WDR43: variants seen among roughly 807,000 people sequenced by gnomAD.
WDR43 encodes WD repeat-containing protein 43.
WDR43 carries 13 observed loss-of-function variants against 91.4 expected under a neutral mutation model. That is an observed-to-expected ratio of 0.14 (90% CI 0.09 to 0.23). The LOEUF (loss-of-function observed/expected upper bound fraction) is 0.23, where lower values mean the gene tolerates loss of function less well. Among genes scored for constraint, WDR43 ranks in the 10% least tolerant of loss-of-function variants. The pLI is 1.00. For missense variants in WDR43, 780 were observed against 809.4 expected (o/e 0.96, Z 0.44); for synonymous variants, 331 against 287.9 (o/e 1.15, Z -1.51).
At chr2:28,940,271 C>A in intron 14 of WDR43, among the ~76,000 whole-genome samples, 1 of 151,394 alleles carries the variant, frequency 6.6e-6, no homozygotes, top group Non-Finnish European at 1.5e-5. Context: ...CTCTTGTTGC[C>A]TAGGCTGGAG....
At chr2:28,922,688 C>G (rs1322245166) in intron 6 of WDR43, among the ~76,000 whole-genome samples, 1 of 152,086 alleles carries the variant, frequency 6.6e-6, no homozygotes, top group Non-Finnish European at 1.5e-5. Context: ...AGGGCTCATT[C>G]TCCTTGACTG....
intron 1 of WDR43, among the ~76,000 whole-genome samples, chr2:28,899,604 A>T (rs1443163204): frequency 2.0e-5 from 3 of 152,238 alleles, no homozygotes; most frequent in Non-Finnish European, 4.4e-5. Context: ...CTGGAGAGTC[A>T]TTGAAGTTTT....
intron 11 of WDR43, 70 bp from the exon 12 acceptor site, chr2:28,935,451 C>CTTTT: frequency 9.6e-7 from 1 of 1,043,746 alleles, no homozygotes; most frequent in Non-Finnish European, 1.4e-6. Flanking sequence ...TTTTTACAGA[C>CTTTT]TTTTTTTTTT....
In WDR43 at chr2:28,906,595, A is replaced by G. The variant is rs146949222; in HGVS notation, c.485+14A>G. 2.5e-5 allele frequency: 41 copies of G among 1,608,950 alleles called. No homozygotes were observed. In the African/African-American group the frequency reaches 4.0e-4, roughly 16 times the overall value. On this transcript the variant is annotated intron_variant, in intron 3 of 17. Transcript: ENST00000407426. ...CAAAGTAAAGTGGTGAGTAACATTC[A>G]TGGTATCAGGAAATGCAATAGACGT...
intron 9 of WDR43, 75 bp downstream of exon 9, chr2:28,926,629 A>G: frequency 1.6e-6 from 2 of 1,270,870 alleles, no homozygotes; most frequent in Non-Finnish European, 1.1e-6. Context: ...ACTTAGTATT[A>G]TGATTAAACT....
chr2:28,937,973 T>C lies in WDR43; in HGVS notation c.1599T>C (p.Val533=), dbSNP rs748603683. ...AGTGGCTAAAATGTGTGTTAACAGT[T>C]CATGCATCATACCTGTCCACGGTGA... is the stretch of plus-strand genomic sequence containing the variant. ...MVQWLKCVLT[V]HASYLSTLPD... is the part of the protein sequence containing the mutation. The change falls in exon 14 of 18, where the codon GTT becomes GTC. Residue 533 remains valine, a synonymous_variant. Transcript: ENST00000407426. 7.4e-6 allele frequency: 12 copies of C among 1,613,930 alleles called. No individual in the cohort carries two copies. In the South Asian group the frequency reaches 1.1e-4, roughly 15 times the overall value.
intron 6 of WDR43, among the ~76,000 whole-genome samples, chr2:28,918,768 T>C (rs896701966): frequency 2.0e-5 from 3 of 152,220 alleles, no homozygotes; most frequent in Admixed American, 2.0e-4. Flanking sequence ...ATTAAAGGAT[T>C]AAACCTGTTG....
At chr2:28,895,041 C>G (rs1188627964) in intron 1 of WDR43, 118 bp downstream of exon 1, 25 of 1,084,288 alleles carry the variant, frequency 2.3e-5, no homozygotes, top group Non-Finnish European at 2.9e-5. Flanking sequence ...GGCCAGAAGG[C>G]TTGGAGGCGG....
Position 28,942,365 on chromosome 2 carries a change from G to C in WDR43, c.1788G>C (p.Lys596Asn). The C allele has an allele frequency of 6.2e-7, 1 of 1,613,486 alleles. No homozygotes were observed. The highest frequency in any genetic ancestry group is 8.5e-7 in the Non-Finnish European group (1 of 1,179,620). Residue 596 changes from lysine to asparagine, a missense_variant, in exon 16 of 18, where the codon AAG becomes AAC. Lys to Asn is a moderately conservative substitution (Grantham distance 94, BLOSUM62 0). Coordinates refer to ENST00000407426, the MANE Select transcript of WDR43 (RefSeq NM_015131.3). ...CAACTTCCCCTGGACAGAAGGCAAA[G>C]TTGGTGTATGAAGAAGGTAAAGACT... ...KGATSPGQKA[K>N]LVYEEESSEE... is the part of the protein sequence containing the mutation.
chr2:28,924,837 C>T, intron 7 of WDR43, 145 bp from the exon 8 acceptor site: 1 of 844,372 alleles, frequency 1.2e-6, no homozygotes, highest in Admixed American at 2.8e-5. Flanking sequence ...GAAAGGAGTA[C>T]TCATGCTCCG....
At chr2:28,923,066 G>A (rs1309774284) in intron 7 of WDR43, 83 bp downstream of exon 7, 1 of 1,163,428 alleles carries the variant, frequency 8.6e-7, no homozygotes, top group Non-Finnish European at 1.2e-6. Flanking sequence ...GTTATTCTTT[G>A]CATCATATTA....
intron 16 of WDR43, among the ~76,000 whole-genome samples, chr2:28,946,139 C>T (rs867998754): frequency 1.6e-4 from 25 of 152,034 alleles, no homozygotes; most frequent in African/African-American, 4.8e-4. Context: ...AGTTTGAGAT[C>T]GGCCTGGGCA....
At chr2:28,900,824 A>G (rs75508594) in intron 1 of WDR43, among the ~76,000 whole-genome samples, 1 of 54,694 alleles carries the variant, frequency 1.8e-5, no homozygotes, top group Non-Finnish European at 5.5e-5. Flanking sequence ...GATGTGTATT[A>G]TTTTTTTCTG....
rs549431999 is a variant in WDR43 at position 28,906,917 on chromosome 2, G to A, written c.485+336G>A. On this transcript the variant is annotated intron_variant, in intron 3 of 17. Coordinates refer to ENST00000407426, the MANE Select transcript of WDR43 (RefSeq NM_015131.3). ...AAGATTTGGATAGAGGAGGGTGGGAGAATGCTTTCAAGGGTGGAGAAAAGA... is the reference window on the plus strand; with the variant it reads ...AAGATTTGGATAGAGGAGGGTGGGAAAATGCTTTCAAGGGTGGAGAAAAGA... Among the ~76,000 whole-genome samples the A allele has an allele frequency of 3.9e-5, 6 of 152,236 alleles. No individual in the cohort carries two copies. In the South Asian group the frequency reaches 1.2e-3, roughly 32 times the overall value.
At chr2:28,936,536 G>A (rs1203184683) in intron 12 of WDR43, among the ~76,000 whole-genome samples, 1 of 152,092 alleles carries the variant, frequency 6.6e-6, no homozygotes, top group Non-Finnish European at 1.5e-5. Flanking sequence ...AATTCACGTA[G>A]CATAAAATTT....
intron 14 of WDR43, among the ~76,000 whole-genome samples, chr2:28,940,203 G>C (rs565127058): frequency 1.3e-5 from 2 of 151,536 alleles, no homozygotes; most frequent in East Asian, 3.9e-4. Flanking sequence ...GGTAGGGGGT[G>C]AGGTGGGGAA....
chr2:28,900,532 A>G (rs2148177572), intron 1 of WDR43, among the ~76,000 whole-genome samples: 1 of 152,188 alleles, frequency 6.6e-6, no homozygotes, highest in East Asian at 1.9e-4. Context: ...AGATGGTACT[A>G]GGTTAATGTA....
intron 4 of WDR43, 57 bp from the exon 5 acceptor site, chr2:28,914,012 T>C (rs1670858031): frequency 1.3e-6 from 2 of 1,595,976 alleles, no homozygotes; most frequent in African/African-American, 1.3e-5. Context: ...ATATATACTA[T>C]TAATTTTTGT....
At chr2:28,907,746 C>CA (rs1268141588) in intron 3 of WDR43, among the ~76,000 whole-genome samples, 5 of 151,352 alleles carry the variant, frequency 3.3e-5, no homozygotes, top group African/African-American at 2.4e-5. Flanking sequence ...ACTACAAAGA[C>CA]AAAAAAAATT....
Sources: allele counts gnomAD v4.1 joint callset (sites outside exome capture counted in the v4.1 genomes callset), GRCh38; gene constraint gnomAD v4.1.1; transcripts MANE v1.5; gene names NCBI Gene and HGNC (gene_info 2026-07-23, HGNC 2026-07-21).